DPYD: variants seen among roughly 807,000 people sequenced by gnomAD.
DPYD encodes the protein dihydropyrimidine dehydrogenase [NADP(+)].
In DPYD, 109 loss-of-function variants were observed where a neutral mutation model predicts 116.2. That is an observed-to-expected ratio of 0.94 (90% confidence interval 0.80 to 1.10). The LOEUF (loss-of-function observed/expected upper bound fraction) is 1.10. Ranked by LOEUF, DPYD falls within the 50% of genes least tolerant of loss-of-function variation. The pLI is 0.00. For synonymous variants in DPYD, 440 were observed against 432.0 expected (o/e 1.02, Z -0.23); for missense variants, 1,302 against 1,254.5 (o/e 1.04, Z -0.57).
At chr1:97,920,729 C>A (rs576037341) in intron 1 of DPYD, among the ~76,000 whole-genome samples, 155 bp downstream of exon 1, 10 of 152,308 alleles carry the variant, frequency 6.6e-5, no homozygotes, top group African/African-American at 2.2e-4. Flanking sequence ...TGTGGCTCCG[C>A]GCTCCTCCGC....
At chr1:97,753,360 G>A (rs993309379) in intron 3 of DPYD, among the ~76,000 whole-genome samples, 2 of 152,236 alleles carry the variant, frequency 1.3e-5, no homozygotes, top group East Asian at 1.9e-4. Flanking sequence ...GGTTATCTCT[G>A]CCATTTCCTC....
intron 8 of DPYD, among the ~76,000 whole-genome samples, chr1:97,672,346 T>C (rs1457146541): frequency 6.6e-6 from 1 of 152,188 alleles, no homozygotes; most frequent in Non-Finnish European, 1.5e-5. Context: ...TTGCCCTACA[T>C]CTATTTTATC....
chr1:97,454,375 G>T (rs932046956), intron 13 of DPYD, among the ~76,000 whole-genome samples: 2 of 151,742 alleles, frequency 1.3e-5, no homozygotes, highest in African/African-American at 4.8e-5. Context: ...TTTCATAAGA[G>T]AATATTTTGC....
At chr1:97,116,994 C>CAAAAAAAAAA (rs397784957) in intron 20 of DPYD, among the ~76,000 whole-genome samples, 10 of 107,044 alleles carry the variant, frequency 9.3e-5, no homozygotes, top group East Asian at 4.8e-4. Context: ...ACTAAAAATA[C>CAAAAAAAAAA]AAAAAAAAAA....
intron 11 of DPYD, among the ~76,000 whole-genome samples, chr1:97,565,584 T>C (rs1010433550): frequency 6.6e-6 from 1 of 152,184 alleles, no homozygotes; most frequent in African/African-American, 2.4e-5. Context: ...TGTCGGCCCA[T>C]ACTTTTGTAT....
intron 20 of DPYD, among the ~76,000 whole-genome samples, chr1:97,136,265 A>G (rs1448278285): frequency 5.9e-5 from 9 of 152,156 alleles, no homozygotes; most frequent in Non-Finnish European, 1.2e-4. Flanking sequence ...TCATTACACA[A>G]ATAAAATCCT....
chr1:97,717,228 T>C (rs1019216528), intron 5 of DPYD, among the ~76,000 whole-genome samples: 2 of 152,084 alleles, frequency 1.3e-5, no homozygotes, highest in African/African-American at 2.4e-5. Context: ...CTGCAAATAG[T>C]ATATGCTGAT....
In DPYD at chr1:97,679,070, ATATAT is replaced by A. The variant is rs1660301677; in HGVS notation, c.850+20_850+24del. On this transcript the variant is annotated intron_variant, in intron 8 of 22. Coordinates refer to ENST00000370192, the MANE Select transcript of DPYD (RefSeq NM_000110.4). ...AAATAAAAAAATACATTATAAATAA[ATATAT>A]TTAAGAGTAAACTACTCACCTATTC... 1 of 1,130,488 alleles carries A rather than the reference ATATAT, an allele frequency of 8.8e-7. No homozygotes were observed. Among genetic ancestry groups the A allele is most frequent in the Non-Finnish European group, 1.2e-6 (1 of 805,468 alleles). 70.0% of individuals were successfully genotyped at this position (1,130,488 alleles called of 1,614,324 possible).
chr1:97,525,477 T>A (rs183371845), intron 12 of DPYD, among the ~76,000 whole-genome samples: 1 of 152,258 alleles, frequency 6.6e-6, no homozygotes, highest in Admixed American at 6.5e-5. Flanking sequence ...TTGATTTAAT[T>A]TCAGCACCTA....
At chr1:97,219,137 T>C (rs1451596240) in intron 19 of DPYD, among the ~76,000 whole-genome samples, 6 of 152,092 alleles carry the variant, frequency 3.9e-5, no homozygotes, top group Admixed American at 3.9e-4. Context: ...ATTTAGAAAA[T>C]GTAATGAAGA....
intron 14 of DPYD, among the ~76,000 whole-genome samples, chr1:97,412,749 C>T (rs1674081793): frequency 1.3e-5 from 2 of 152,094 alleles, no homozygotes. Context: ...TGATTGTTTT[C>T]ATTAATTAGA....
intron 11 of DPYD, among the ~76,000 whole-genome samples, chr1:97,564,539 T>TCCAAACAGAGAA (rs1652384928): frequency 6.6e-6 from 1 of 152,288 alleles, no homozygotes; most frequent in East Asian, 1.9e-4. Context: ...ATGTCTGTTT[T>TCCAAACAGAGAA]CAGTCATTCT....
At chr1:97,106,645 C>T (rs1651171351) in intron 20 of DPYD, among the ~76,000 whole-genome samples, 1 of 152,070 alleles carries the variant, frequency 6.6e-6, no homozygotes, top group Admixed American at 6.6e-5. Flanking sequence ...AGTCCTGAGG[C>T]CTGCAGATTC....
intron 2 of DPYD, among the ~76,000 whole-genome samples, chr1:97,861,744 C>A (rs1055321242): frequency 2.6e-5 from 4 of 151,740 alleles, no homozygotes; most frequent in African/African-American, 9.7e-5. Flanking sequence ...ATTTTACACC[C>A]CAACGTGAAC....
chr1:97,214,939 G>T (rs1660277004), intron 19 of DPYD, among the ~76,000 whole-genome samples: 2 of 152,114 alleles, frequency 1.3e-5, no homozygotes, highest in African/African-American at 4.8e-5. Context: ...CTTGGGTTCT[G>T]CTTTCTACCA....
intron 18 of DPYD, among the ~76,000 whole-genome samples, chr1:97,247,002 G>T (rs1444580799): frequency 6.6e-6 from 1 of 151,992 alleles, no homozygotes; most frequent in African/African-American, 2.4e-5. Flanking sequence ...AGATCATAAA[G>T]TTCTTTCTAG....
At chr1:97,582,964 T>G (rs922556354) in intron 10 of DPYD, among the ~76,000 whole-genome samples, 1 of 152,102 alleles carries the variant, frequency 6.6e-6, no homozygotes, top group Non-Finnish European at 1.5e-5. Flanking sequence ...GGGTTGATTT[T>G]TTGTTGTTGT....
intron 3 of DPYD, among the ~76,000 whole-genome samples, chr1:97,817,678 T>C (rs1308821973): frequency 6.6e-6 from 1 of 152,104 alleles, no homozygotes; most frequent in Admixed American, 6.6e-5. Context: ...ACAAAATACT[T>C]ATTCAAAACA....
intron 7 of DPYD, among the ~76,000 whole-genome samples, chr1:97,684,187 C>T (rs1009821635): frequency 1.3e-5 from 2 of 152,142 alleles, no homozygotes; most frequent in Non-Finnish European, 2.9e-5. Flanking sequence ...GTAAATTTCC[C>T]TCTTAACACT....
Sources: gnomAD v4.1 joint callset for allele counts (sites outside exome capture counted in the v4.1 genomes callset) on GRCh38, gnomAD v4.1.1 for gene constraint, MANE v1.5 for transcripts, NCBI Gene and HGNC (gene_info 2026-07-23, HGNC 2026-07-21) for gene names.